The following PCDHB1 variants were observed in gnomAD, a reference collection of about 807,000 sequenced individuals.
PCDHB1 encodes the protein protocadherin beta 1.
Under a neutral mutation model 43.5 loss-of-function variants are expected in PCDHB1, and 44 were observed. The ratio of observed to expected loss-of-function variants is 1.01; its 90% CI spans 0.79 to 1.30. The LOEUF (loss-of-function observed/expected upper bound fraction) is 1.30, where lower values mean the gene tolerates loss of function less well. PCDHB1 is among the 50% of genes most tolerant of loss of function. The probability of loss-of-function intolerance (pLI) is 0.00; values close to 1 mark genes in which losing one functional copy is unlikely to be tolerated. For missense variants in PCDHB1, 919 were observed against 1,008.9 expected (o/e 0.91, Z 1.21); for synonymous variants, 392 against 400.8 (o/e 0.98, Z 0.26).
Position 141,057,262 on chromosome 5 carries a change from G to C in PCDHB1, c.*3335G>C, listed in dbSNP as rs540901687. On this transcript the variant is annotated 3_prime_UTR_variant, in exon 1 of 1. Transcript: ENST00000306549. ...TTTTAATATAAAAATGGTTAAGATA[G>C]GCTGGGCATGGTGGCTCACACCTGT... 1.3e-5 allele frequency: 2 copies of C among 152,064 alleles called. No individual in the cohort carries two copies. Among genetic ancestry groups the C allele is most frequent in the Non-Finnish European group, 2.9e-5 (2 of 68,008 alleles). 9.4% of individuals were successfully genotyped at this position (152,064 alleles called of 1,614,324 possible). A position where few individuals can be genotyped will look rare whatever the true frequency, so the allele number is the denominator to read the frequency against.
Position 141,057,590 on chromosome 5 carries a change from A to C in PCDHB1, c.*3663A>C, listed in dbSNP as rs1751161743. The C allele has an allele frequency of 6.6e-6, 1 of 151,586 alleles. No homozygotes were observed. The highest frequency in any genetic ancestry group is 2.1e-4 in the South Asian group (1 of 4,828). 9.4% of individuals were successfully genotyped at this position (151,586 alleles called of 1,614,324 possible). A position where few individuals can be genotyped will look rare whatever the true frequency, so the allele number is the denominator to read the frequency against. On this transcript the variant is annotated 3_prime_UTR_variant, in exon 1 of 1. Coordinates refer to ENST00000306549, the MANE Select transcript of PCDHB1 (RefSeq NM_013340.4). ...AAGAAAAAAGAAAAAAAAAGGTAAG[A>C]TAACAATCTCATAAAAGAAACCATC...
Position 141,053,830 on chromosome 5 carries a change from T to C in PCDHB1, c.2360T>C (p.Ile787Thr), listed in dbSNP as rs1554267547. The C allele has an allele frequency of 1.9e-6, 3 of 1,614,116 alleles. No individual in the cohort carries two copies. The highest frequency in any genetic ancestry group is 2.5e-6 in the Non-Finnish European group (3 of 1,179,974). The change falls in exon 1 of 1, where the codon ATA (isoleucine) becomes ACA (threonine). Residue 787 changes from isoleucine (I) to threonine (T), a missense_variant. Coordinates refer to ENST00000306549, the MANE Select transcript of PCDHB1 (RefSeq NM_013340.4). ...CCTTTCCCTCATGCCACTGGGGAGA[T>C]AAAAATGGAGGCTGGCTCCAGTTTG... ...NFPFPHATGE[I>T]KMEAGSSLPP...
In PCDHB1 at chr5:141,051,760, G is replaced by A. The variant is rs2154005382; in HGVS notation, c.290G>A (p.Gly97Asp). The change falls in exon 1 of 1, where the codon GGC becomes GAC. Residue 97 changes from glycine to aspartate, a missense_variant. Transcript: ENST00000306549. Reference protein sequence around the residue: ...KEKLDRESLCGKADPCVLHFE... With the variant: ...KEKLDRESLCDKADPCVLHFE... ...AAACTGGATCGGGAGTCACTTTGTG[G>A]CAAAGCCGACCCTTGTGTTCTGCAC... 3.1e-6 allele frequency: 5 copies of A among 1,614,250 alleles called. No homozygotes were observed. The highest frequency in any genetic ancestry group is 4.5e-5 in the East Asian group (2 of 44,886).
chr5:141,052,583 C>G lies in PCDHB1; in HGVS notation c.1113C>G (p.Ile371Met). Residue 371 changes from isoleucine (I) to methionine (M), a missense_variant, in exon 1 of 1, where the codon ATC becomes ATG. By Grantham distance (10) the Ile-to-Met change is conservative. Transcript: ENST00000306549. The part of the protein sequence containing the change: ...PPQTVVALFT[I>M]RDRDIRVGGK... ...AGACAGTAGTAGCCCTTTTCACTAT[C>G]AGAGACCGGGACATTCGAGTGGGAG... 6.2e-7 allele frequency: 1 copy of G among 1,614,192 alleles called. No individual in the cohort carries two copies. The highest frequency in any genetic ancestry group is 8.5e-7 in the Non-Finnish European group (1 of 1,180,028).
Position 141,052,791 on chromosome 5 carries a change from C to A in PCDHB1, c.1321C>A (p.Leu441Ile), listed in dbSNP as rs146236095. 29 of 1,614,022 alleles carry A rather than the reference C, an allele frequency of 1.8e-5. No individual in the cohort carries two copies. Among genetic ancestry groups the A allele is most frequent in the Non-Finnish European group, 2.5e-5 (29 of 1,180,040 alleles). The stretch of plus-strand genomic sequence containing the variant: ...GTCTGCCGAGACTATGATAGAGGTG[C>A]TAATATCCGACGTTAATGACAATCC... ...SLSAETMIEV[L>I]ISDVNDNPPI... is the part of the protein sequence containing the mutation. Residue 441 changes from leucine (L) to isoleucine (I), a missense_variant, in exon 1 of 1, where the codon CTA becomes ATA. By Grantham distance (5) the Leu-to-Ile change is conservative. Coordinates refer to ENST00000306549, the MANE Select transcript of PCDHB1 (RefSeq NM_013340.4).
At position 141,052,640 on chromosome 5, in the gene PCDHB1, T is replaced by C; in HGVS notation, c.1170T>C (p.Leu390=). 1 of 1,614,150 alleles carries C rather than the reference T, an allele frequency of 6.2e-7. No homozygotes were observed. The highest frequency in any genetic ancestry group is 2.2e-5 in the East Asian group (1 of 44,864). The part of the protein sequence containing the change: ...GKVTCFLRED[L]PFVIKPTFGN... ...TCACCTGCTTCCTCAGAGAAGACCTTCCCTTTGTAATCAAACCTACATTTG... is the reference window on the plus strand; with the variant it reads ...TCACCTGCTTCCTCAGAGAAGACCTCCCCTTTGTAATCAAACCTACATTTG... The change falls in exon 1 of 1, where the codon CTT becomes CTC. Residue 390 remains leucine (L), a synonymous_variant. Transcript: ENST00000306549.
chr5:141,054,013 C>A lies in PCDHB1; in HGVS notation c.*86C>A. On this transcript the variant is annotated 3_prime_UTR_variant, in exon 1 of 1. Coordinates refer to ENST00000306549, the MANE Select transcript of PCDHB1 (RefSeq NM_013340.4). ...TGTTACATCCTCATTAAAACAAAAACTGGTAGTAGATTGCAGCTTTAGTAA... is the reference window on the plus strand; with the variant it reads ...TGTTACATCCTCATTAAAACAAAAAATGGTAGTAGATTGCAGCTTTAGTAA... The A allele has an allele frequency of 8.8e-7, 1 of 1,135,756 alleles. No individual in the cohort carries two copies. 70.4% of individuals were successfully genotyped at this position (1,135,756 alleles called of 1,614,324 possible).
chr5:141,054,338 T>A lies in PCDHB1; in HGVS notation c.*411T>A, dbSNP rs1751076995. The A allele has an allele frequency of 6.1e-6, 1 of 162,872 alleles. No homozygotes were observed. Among genetic ancestry groups the A allele is most frequent in the African/African-American group, 2.4e-5 (1 of 41,642 alleles). 10.1% of individuals were successfully genotyped at this position (162,872 alleles called of 1,614,324 possible). A position where few individuals can be genotyped will look rare whatever the true frequency, so the allele number is the denominator to read the frequency against. On this transcript the variant is annotated 3_prime_UTR_variant, in exon 1 of 1. Coordinates refer to ENST00000306549, the MANE Select transcript of PCDHB1 (RefSeq NM_013340.4). ...GATCCTTTTATTTGCCTCTAAATTA[T>A]TTTCCAGTAGAAAGTTATGCATGCA... is the stretch of plus-strand genomic sequence containing the variant.
rs541462514 is a variant in PCDHB1 at position 141,051,890 on chromosome 5, A to G, written c.420A>G (p.Leu140=). The G allele has an allele frequency of 6.5e-5, 105 of 1,614,210 alleles. No homozygotes were observed. The South Asian group carries it at 9.4e-4, about 15-fold the overall frequency. The part of the protein sequence containing the change: ...APVFLNKEPL[L]KIPESTPLGS... Reference sequence around the variant, plus strand: ...TTTTCCTAAACAAGGAGCCGCTTTTAAAGATTCCGGAGAGCACCCCTTTGG... The same window carrying G: ...TTTTCCTAAACAAGGAGCCGCTTTTGAAGATTCCGGAGAGCACCCCTTTGG... The change falls in exon 1 of 1, where the codon TTA becomes TTG. Residue 140 remains leucine, a synonymous_variant. Transcript: ENST00000306549.
chr5:141,051,806 G>A lies in PCDHB1; in HGVS notation c.336G>A (p.Glu112=). ...TGCACTTTGAAGTAGTCCTGGTGGA[G>A]CCGCTGCAGTCCTTCCGGGCCGAGG... ...CVLHFEVVLV[E]PLQSFRAEVR... The change falls in exon 1 of 1, where the codon GAG becomes GAA. Residue 112 remains glutamate (E), a synonymous_variant. Coordinates refer to ENST00000306549, the MANE Select transcript of PCDHB1 (RefSeq NM_013340.4). 6.2e-7 allele frequency: 1 copy of A among 1,614,264 alleles called. No homozygotes were observed. Among genetic ancestry groups the A allele is most frequent in the Non-Finnish European group, 8.5e-7 (1 of 1,180,052 alleles).
chr5:141,056,270 C>A lies in PCDHB1; in HGVS notation c.*2343C>A, dbSNP rs1554267815. ...CTTAATGACTGATACCTAATGGCAC[C>A]ACCTGGCTGTTTACCTGTTGGCCAG... On this transcript the variant is annotated 3_prime_UTR_variant, in exon 1 of 1. Transcript: ENST00000306549. The A allele has an allele frequency of 1.3e-5, 2 of 152,114 alleles. No individual in the cohort carries two copies. Among genetic ancestry groups the A allele is most frequent in the Non-Finnish European group, 2.9e-5 (2 of 68,024 alleles). The allele number at this position is 152,114 out of a possible 1,614,324, so 9.4% of individuals were successfully genotyped here.
rs782494871 is a variant in PCDHB1 at position 141,052,199 on chromosome 5, G to A, written c.729G>A (p.Ser243=). The part of the protein sequence containing the change: ...LDVNDHVPQF[S]RLVYRAQVSE... Reference sequence around the variant, plus strand: ...TCAACGACCACGTGCCCCAGTTCTCGCGACTGGTGTACAGAGCCCAGGTAT... The same window carrying A: ...TCAACGACCACGTGCCCCAGTTCTCACGACTGGTGTACAGAGCCCAGGTAT... Residue 243 remains serine, a synonymous_variant, in exon 1 of 1, where the codon TCG becomes TCA. Coordinates refer to ENST00000306549, the MANE Select transcript of PCDHB1 (RefSeq NM_013340.4). 9 of 1,613,964 alleles carry A rather than the reference G, an allele frequency of 5.6e-6. No homozygotes were observed. The Admixed American group carries it at 8.3e-5, about 15-fold the overall frequency.
chr5:141,053,580 C>T lies in PCDHB1; in HGVS notation c.2110C>T (p.Leu704Phe), dbSNP rs1554267483. The change falls in exon 1 of 1, where the codon CTC becomes TTC. Residue 704 changes from leucine (L) to phenylalanine (F), a missense_variant. Physicochemically the swap from Leu to Phe is conservative, Grantham distance 22. Transcript: ENST00000306549. ...SLVILSFLFL[L>F]SVIVIFIIHV... ...GGTCATCCTTTCCTTTCTCTTTCTC[C>T]TCTCTGTCATAGTGATCTTCATTAT... 1.2e-6 allele frequency: 2 copies of T among 1,613,762 alleles called. No individual in the cohort carries two copies. Among genetic ancestry groups the T allele is most frequent in the African/African-American group, 2.7e-5 (2 of 74,910 alleles).
rs1751070386 is a variant in PCDHB1 at position 141,054,088 on chromosome 5, G to C, written c.*161G>C. The stretch of plus-strand genomic sequence containing the variant: ...AAATGGGAAACCTAGAGTGAGGCTA[G>C]GCTTACTCAATACAAAGCAGTTATC... On this transcript the variant is annotated 3_prime_UTR_variant, in exon 1 of 1. Coordinates refer to ENST00000306549, the MANE Select transcript of PCDHB1 (RefSeq NM_013340.4). 8.2e-6 allele frequency: 5 copies of C among 613,122 alleles called. No individual in the cohort carries two copies. Among genetic ancestry groups the C allele is most frequent in the Non-Finnish European group, 1.1e-5 (4 of 352,136 alleles). 38.0% of individuals were successfully genotyped at this position (613,122 alleles called of 1,614,324 possible).
rs1355523997 is a variant in PCDHB1 at position 141,052,462 on chromosome 5, G to A, written c.992G>A (p.Ser331Asn). 1.2e-6 allele frequency: 2 copies of A among 1,614,090 alleles called. No individual in the cohort carries two copies. The highest frequency in any genetic ancestry group is 1.6e-4 in the Middle Eastern group (1 of 6,084). The stretch of plus-strand genomic sequence containing the variant: ...GATGGTGGAGGCCTCTCTGCCCACA[G>A]CAAAGTCCTGGTAGAAGTGGTGGAT... The part of the protein sequence containing the change: ...ATDGGGLSAH[S>N]KVLVEVVDVN... The change falls in exon 1 of 1, where the codon AGC becomes AAC. Residue 331 changes from serine to asparagine, a missense_variant. Transcript: ENST00000306549.
In PCDHB1 at chr5:141,053,059, T is replaced by C. The variant is rs202201120; in HGVS notation, c.1589T>C (p.Phe530Ser). The C allele has an allele frequency of 1.3e-5, 21 of 1,614,180 alleles. No homozygotes were observed. In the South Asian group the frequency reaches 1.4e-4, roughly 11 times the overall value. Residue 530 changes from phenylalanine to serine, a missense_variant, in exon 1 of 1, where the codon TTT becomes TCT. By Grantham distance (155) the Phe-to-Ser change is radical. Coordinates refer to ENST00000306549, the MANE Select transcript of PCDHB1 (RefSeq NM_013340.4). ...MDYEAIQDFQ[F>S]VVKATDGGFL... Reference sequence around the variant, plus strand: ...TATGAGGCCATTCAAGATTTTCAATTTGTGGTAAAGGCAACTGATGGGGGC... The same window carrying C: ...TATGAGGCCATTCAAGATTTTCAATCTGTGGTAAAGGCAACTGATGGGGGC...
chr5:141,053,566 CCTTTCT>C lies in PCDHB1; in HGVS notation c.2104_2109del (p.Phe702_Leu703del). 6.2e-7 allele frequency: 1 copy of C among 1,614,056 alleles called. No homozygotes were observed. The highest frequency in any genetic ancestry group is 2.2e-5 in the East Asian group (1 of 44,880). ...TTGGTCATTTCTCTGGTCATCCTTT[CCTTTCT>C]CTTTCTCCTCTCTGTCATAGTGATC... is the stretch of plus-strand genomic sequence containing the variant. On this transcript the variant is annotated inframe_deletion, in exon 1 of 1. Transcript: ENST00000306549.
In PCDHB1 at chr5:141,051,640, G is replaced by C; in HGVS notation, c.170G>C (p.Gly57Ala). Residue 57 changes from glycine (G) to alanine (A), a missense_variant, in exon 1 of 1, where the codon GGG becomes GCG. Physicochemically the swap from Gly to Ala is moderately conservative, Grantham distance 60. Coordinates refer to ENST00000306549, the MANE Select transcript of PCDHB1 (RefSeq NM_013340.4). Reference sequence around the variant, plus strand: ...GCTAAGGACCTAGGACTGGAGGTAGGGAAGCTGGCTGCGCGCGGGGCGCGG... The same window carrying C: ...GCTAAGGACCTAGGACTGGAGGTAGCGAAGCTGGCTGCGCGCGGGGCGCGG... ...NVAKDLGLEV[G>A]KLAARGARLV... 6.2e-7 allele frequency: 1 copy of C among 1,614,250 alleles called. No individual in the cohort carries two copies. Among genetic ancestry groups the C allele is most frequent in the East Asian group, 2.2e-5 (1 of 44,878 alleles).
Position 141,051,452 on chromosome 5 carries a change from A to C in PCDHB1, c.-19A>C. 9 of 1,611,778 alleles carry C rather than the reference A, an allele frequency of 5.6e-6. No homozygotes were observed. The highest frequency in any genetic ancestry group is 1.1e-5 in the South Asian group (1 of 91,030). On this transcript the variant is annotated 5_prime_UTR_variant, in exon 1 of 1. Transcript: ENST00000306549. ...GCAACAGTTGGCTCTGATTGCAGAG[A>C]GCGCGCTTGTGAGAACTGATGGCGG... is the stretch of plus-strand genomic sequence containing the variant.
Sources: gnomAD v4.1 joint callset for allele counts on GRCh38, gnomAD v4.1.1 for gene constraint, MANE v1.5 for transcripts, NCBI Gene and HGNC (gene_info 2026-07-23, HGNC 2026-07-21) for gene names.